Variants in MCUB observed in about 807,000 individuals in gnomAD.
MCUB encodes mitochondrial calcium uniporter dominant negative subunit beta, also known as calcium uniporter regulatory subunit MCUb, mitochondrial.
In MCUB, 46 loss-of-function variants were observed where a neutral mutation model predicts 41.4. The ratio of observed to expected loss-of-function variants is 1.11; its 90% CI spans 0.88 to 1.42. MCUB has a LOEUF of 1.42. MCUB is among the 40% of genes most tolerant of loss of function. The pLI, the probability that MCUB is intolerant of heterozygous loss-of-function variation, is 0.00. For synonymous variants in MCUB, 148 were observed against 148.2 expected, an observed-to-expected ratio of 1.00 and a Z score of 0.01; for missense variants, 403 against 404.9, an observed-to-expected ratio of 1.00 and a Z score of 0.04.
At chr4:109,658,314 T>A (rs914786399) in intron 1 of MCUB, among the ~76,000 whole-genome samples, 2 of 151,968 alleles carry the variant, frequency 1.3e-5, no homozygotes, top group African/African-American at 4.8e-5. Context: ...TTTTTTTTTT[T>A]AAGACAGAGT....
intron 1 of MCUB, among the ~76,000 whole-genome samples, chr4:109,575,640 T>C (rs1727009567): frequency 6.6e-6 from 1 of 152,218 alleles, no homozygotes; most frequent in African/African-American, 2.4e-5. Flanking sequence ...CCTGCAATTA[T>C]GTGAAAACTG....
chr4:109,628,071 T>C (rs1056418541), intron 1 of MCUB, among the ~76,000 whole-genome samples: 6 of 152,142 alleles, frequency 3.9e-5, no homozygotes, highest in African/African-American at 1.4e-4. Context: ...CAAAGAGTCC[T>C]GGGGCAGGAG....
chr4:109,685,242 T>C lies in MCUB; in HGVS notation c.817-9T>C. The C allele has an allele frequency of 8.7e-7, 1 of 1,149,112 alleles. No individual in the cohort carries two copies. The highest frequency in any genetic ancestry group is 1.8e-5 in the Admixed American group (1 of 54,712). 71.2% of individuals were successfully genotyped at this position (1,149,112 alleles called of 1,614,324 possible). The stretch of plus-strand genomic sequence containing the variant: ...ATGTTGTTTTCTTCTCTCTCTCTTT[T>C]TTTTTAAGGATTATACTTACTCAGC... On this transcript the variant is annotated splice_polypyrimidine_tract_variant and intron_variant, in intron 6 of 7. Transcript: ENST00000394650.
At chr4:109,636,834 C>G (rs751134195) in intron 1 of MCUB, among the ~76,000 whole-genome samples, 6 of 152,062 alleles carry the variant, frequency 3.9e-5, no homozygotes, top group Non-Finnish European at 5.9e-5. Flanking sequence ...GACTCCATCT[C>G]AAAAAACAAC....
intron 1 of MCUB, among the ~76,000 whole-genome samples, chr4:109,590,961 G>A (rs1727423595): frequency 6.6e-6 from 1 of 152,142 alleles, no homozygotes; most frequent in African/African-American, 2.4e-5. Context: ...TTTGCAATTA[G>A]TTTCTCTTCA....
intron 1 of MCUB, among the ~76,000 whole-genome samples, chr4:109,653,368 G>A (rs1337213614): frequency 6.7e-6 from 1 of 149,018 alleles, no homozygotes; most frequent in African/African-American, 2.5e-5. Context: ...GACAGAGCAA[G>A]ACCCCGTCTT....
intron 1 of MCUB, among the ~76,000 whole-genome samples, chr4:109,587,510 T>C (rs911764821): frequency 6.6e-6 from 1 of 152,204 alleles, no homozygotes; most frequent in Non-Finnish European, 1.5e-5. Context: ...GTACCTCAGT[T>C]GGAAATGCAG....
At chr4:109,611,718 C>G (rs556287002) in intron 1 of MCUB, among the ~76,000 whole-genome samples, 1 of 152,228 alleles carries the variant, frequency 6.6e-6, no homozygotes, top group South Asian at 2.1e-4. Context: ...TTCTTTTTCT[C>G]TCTTTTTCTT....
chr4:109,619,026 GCCTGCCTACCTA>G (rs1424791522), intron 1 of MCUB, among the ~76,000 whole-genome samples: 495 of 128,840 alleles, frequency 3.8e-3, no homozygotes, highest in African/African-American at 0.011. Flanking sequence ...CTATCTACCT[GCCTGCCTACCTA>G]CCTACCTACC....
At chr4:109,653,022 C>G (rs1279621762) in intron 1 of MCUB, among the ~76,000 whole-genome samples, 1 of 151,964 alleles carries the variant, frequency 6.6e-6, no homozygotes, top group Non-Finnish European at 1.5e-5. Flanking sequence ...TTTCATTTCT[C>G]TAGGGTAAAG....
chr4:109,684,365 G>A (rs142283712), intron 5 of MCUB, 78 bp from the exon 6 acceptor site: 1 of 1,225,934 alleles, frequency 8.2e-7, no homozygotes, highest in East Asian at 2.5e-5. Flanking sequence ...CCCGGCAAGA[G>A]TTCCTTTTCA....
intron 1 of MCUB, among the ~76,000 whole-genome samples, chr4:109,587,212 A>G (rs1727329458): frequency 6.6e-6 from 1 of 152,232 alleles, no homozygotes; most frequent in Non-Finnish European, 1.5e-5. Context: ...AGTCGATCTC[A>G]GACTGCTGCG....
At chr4:109,656,793 A>G (rs1561243437) in intron 1 of MCUB, among the ~76,000 whole-genome samples, 1 of 152,242 alleles carries the variant, frequency 6.6e-6, no homozygotes, top group Non-Finnish European at 1.5e-5. Flanking sequence ...TGCTAAAAGT[A>G]GTAGACGGTA....
chr4:109,654,108 A>G (rs1262023011), intron 1 of MCUB, among the ~76,000 whole-genome samples: 1 of 95,518 alleles, frequency 1.0e-5, no homozygotes, highest in Non-Finnish European at 2.1e-5. Flanking sequence ...TCTTAAAAAT[A>G]AATGTGTTGT....
chr4:109,582,332 A>T (rs1475536774), intron 1 of MCUB, among the ~76,000 whole-genome samples: 1 of 136,600 alleles, frequency 7.3e-6, no homozygotes, highest in African/African-American at 2.8e-5. Flanking sequence ...AACAATGAGA[A>T]CACATGGACA....
At chr4:109,672,214 C>A (rs1729472829) in intron 4 of MCUB, among the ~76,000 whole-genome samples, 1 of 152,154 alleles carries the variant, frequency 6.6e-6, no homozygotes, top group Non-Finnish European at 1.5e-5. Context: ...TTCTCCAAGC[C>A]AGATAAGGCT....
At chr4:109,646,961 A>G (rs1473690158) in intron 1 of MCUB, among the ~76,000 whole-genome samples, 1 of 152,220 alleles carries the variant, frequency 6.6e-6, no homozygotes, top group African/African-American at 2.4e-5. Context: ...TAACTATAGA[A>G]CAAGAGCTGG....
intron 1 of MCUB, among the ~76,000 whole-genome samples, chr4:109,582,560 C>CA (rs35609064): frequency 3.1e-4 from 45 of 143,310 alleles, no homozygotes; most frequent in South Asian, 1.6e-3. Context: ...CACAGTTTAA[C>CA]AAAAAAAAAA....
At chr4:109,590,129 C>G (rs939320163) in intron 1 of MCUB, among the ~76,000 whole-genome samples, 4 of 152,228 alleles carry the variant, frequency 2.6e-5, no homozygotes, top group Non-Finnish European at 5.9e-5. Context: ...TAAAAGTTGA[C>G]TTTTTTAAGG....
Sources: gnomAD v4.1 joint callset for allele counts (sites outside exome capture counted in the v4.1 genomes callset) on GRCh38, gnomAD v4.1.1 for gene constraint, MANE v1.5 for transcripts, NCBI Gene and HGNC (gene_info 2026-07-23, HGNC 2026-07-21) for gene names.